Variants in RAB3C observed in about 807,000 individuals in gnomAD.
The protein encoded by RAB3C is RAB3C, member RAS oncogene family.
RAB3C carries 17 observed loss-of-function variants against 26.4 expected under a neutral mutation model. The ratio of observed to expected loss-of-function variants is 0.64; its 90% CI spans 0.44 to 0.97. The LOEUF is 0.97. RAB3C is among the 50% of genes least tolerant of loss of function. The pLI is 0.00. For missense variants in RAB3C, 242 were observed against 281.9 expected, an observed-to-expected ratio of 0.86 and a Z score of 1.01; for synonymous variants, 91 against 95.9, an observed-to-expected ratio of 0.95 and a Z score of 0.30.
At chr5:58,588,560 T>C (rs1040073547) in intron 1 of RAB3C, among the ~76,000 whole-genome samples, 1 of 152,188 alleles carries the variant, frequency 6.6e-6, no homozygotes, top group Non-Finnish European at 1.5e-5. Flanking sequence ...TTGTTTTTAT[T>C]GTTTAGTTGC....
intron 3 of RAB3C, among the ~76,000 whole-genome samples, chr5:58,762,326 G>A (rs1357761192): frequency 2.0e-5 from 3 of 152,062 alleles, no homozygotes; most frequent in South Asian, 2.1e-4. Context: ...GTATCATCTC[G>A]TCAGTGGGAT....
chr5:58,713,135 G>A (rs1241986468), intron 2 of RAB3C, among the ~76,000 whole-genome samples: 1 of 152,148 alleles, frequency 6.6e-6, no homozygotes, highest in Non-Finnish European at 1.5e-5. Flanking sequence ...TTTTTGAACA[G>A]GAGTGAGTGG....
intron 3 of RAB3C, among the ~76,000 whole-genome samples, chr5:58,807,338 T>G (rs1416962454): frequency 6.6e-6 from 1 of 152,174 alleles, no homozygotes; most frequent in Non-Finnish European, 1.5e-5. Context: ...TGTATCAACT[T>G]TAGAAAGATT....
rs1325317390 is a variant in RAB3C at position 58,628,194 on chromosome 5, C to T, written c.252+10324C>T. Among the ~76,000 whole-genome samples the T allele has an allele frequency of 6.1e-5, 9 of 146,826 alleles. No homozygotes were observed. In the South Asian group the frequency reaches 2.0e-3, roughly 32 times the overall value. On this transcript the variant is annotated intron_variant, in intron 2 of 4. Transcript: ENST00000282878. ...AAAAAAAAAACAGTTTACAAAGCATCGTGTGAGAAACAATAGAGAAACAAC... is the reference window on the plus strand; with the variant it reads ...AAAAAAAAAACAGTTTACAAAGCATTGTGTGAGAAACAATAGAGAAACAAC...
At chr5:58,672,341 T>C (rs1259320338) in intron 2 of RAB3C, among the ~76,000 whole-genome samples, 2 of 152,174 alleles carry the variant, frequency 1.3e-5, no homozygotes, top group African/African-American at 2.4e-5. Context: ...CTCTAAGCTC[T>C]TCAGCGGGGT....
chr5:58,667,950 G>T (rs905308271), intron 2 of RAB3C, among the ~76,000 whole-genome samples: 4 of 152,054 alleles, frequency 2.6e-5, no homozygotes, highest in East Asian at 1.9e-4. Flanking sequence ...CCTCCATTGG[G>T]CTCAAAAACA....
At chr5:58,825,465 T>G (rs1009661187) in intron 4 of RAB3C, among the ~76,000 whole-genome samples, 1 of 152,224 alleles carries the variant, frequency 6.6e-6, no homozygotes, top group Non-Finnish European at 1.5e-5. Context: ...TTTTGGTTTT[T>G]TTCCCCCATA....
intron 2 of RAB3C, among the ~76,000 whole-genome samples, chr5:58,683,252 A>G (rs535060891): frequency 1.3e-5 from 2 of 152,376 alleles, no homozygotes; most frequent in African/African-American, 4.8e-5. Flanking sequence ...TAAGTTTTAA[A>G]GCTTGAAAAT....
At chr5:58,732,288 A>C (rs530669381) in intron 3 of RAB3C, among the ~76,000 whole-genome samples, 271 of 151,528 alleles carry the variant, frequency 1.8e-3, no homozygotes, top group African/African-American at 6.2e-3. Flanking sequence ...AAGGCCAAAA[A>C]AATTTTTTTA....
In RAB3C at chr5:58,854,054, C is replaced by T. The variant is rs993112965; in HGVS notation, c.*2703C>T. 2 of 151,784 alleles carry T rather than the reference C, an allele frequency of 1.3e-5. No homozygotes were observed. Among genetic ancestry groups the T allele is most frequent in the Non-Finnish European group, 2.9e-5 (2 of 68,022 alleles). 9.4% of individuals were successfully genotyped at this position (151,784 alleles called of 1,614,324 possible). A position where few individuals can be genotyped will look rare whatever the true frequency, so the allele number is the denominator to read the frequency against. ...TTTGGCCAACACACACACACACACA[C>T]ACACACACACACACACACACTATAC... is the stretch of plus-strand genomic sequence containing the variant. On this transcript the variant is annotated 3_prime_UTR_variant, in exon 5 of 5. Transcript: ENST00000282878.
rs543663872 is a variant in RAB3C, at chr5:58,708,238, C to T, written c.253-17764C>T. 4.6e-5 allele frequency among the ~76,000 whole-genome samples: 7 copies of T among 152,302 alleles called. No individual in the cohort carries two copies. In the East Asian group the frequency reaches 9.7e-4, roughly 21 times the overall value. On this transcript the variant is annotated intron_variant, in intron 2 of 4. Transcript: ENST00000282878. ...CTCCTGGGCTCAAGTGATCCTCTAG[C>T]CTCGGGCTCCCAAAGTGCTAGGATT...
At chr5:58,652,422 T>C (rs549811612) in intron 2 of RAB3C, among the ~76,000 whole-genome samples, 72 of 152,090 alleles carry the variant, frequency 4.7e-4, no homozygotes, top group Middle Eastern at 3.4e-3. Flanking sequence ...TCTTAAAACT[T>C]ATTTTTTTTC....
In RAB3C at chr5:58,611,178, C is replaced by T. The variant is rs572514284; in HGVS notation, c.25-6465C>T. 3.6e-4 allele frequency among the ~76,000 whole-genome samples: 55 copies of T among 152,070 alleles called. 1 individual carries two copies. The highest frequency in any genetic ancestry group is 1.2e-3 in the African/African-American group (48 of 41,524). On this transcript the variant is annotated intron_variant, in intron 1 of 4. Transcript: ENST00000282878. The stretch of plus-strand genomic sequence containing the variant: ...CATATCTTTGCTATTGTGAATAGGG[C>T]GATAATGAACATATATGTGCATGTC...
intron 3 of RAB3C, among the ~76,000 whole-genome samples, chr5:58,800,437 G>T (rs1742779365): frequency 6.6e-6 from 1 of 152,124 alleles, no homozygotes; most frequent in Admixed American, 6.6e-5. Context: ...GTGTTTTTAA[G>T]CTATTAATTC....
intron 1 of RAB3C, among the ~76,000 whole-genome samples, chr5:58,602,339 ATGTTCTATATATATCTGTTAAGTCCATT>A (rs560035847): frequency 3.3e-5 from 5 of 152,186 alleles, no homozygotes; most frequent in East Asian, 3.9e-4. Context: ...GTTGGATGAA[ATGTTCTATATATATCTGTTAAGTCCATT>A]TGTTCCAAGG....
chr5:58,595,615 T>C (rs1298969870), intron 1 of RAB3C, among the ~76,000 whole-genome samples: 1 of 152,106 alleles, frequency 6.6e-6, no homozygotes, highest in Non-Finnish European at 1.5e-5. Context: ...TATGAAGTGT[T>C]TGAAAAAATG....
intron 2 of RAB3C, among the ~76,000 whole-genome samples, chr5:58,667,940 C>A (rs536915367): frequency 3.3e-5 from 5 of 152,140 alleles, no homozygotes; most frequent in African/African-American, 9.6e-5. Flanking sequence ...TAATATTCAT[C>A]CTCCATTGGG....
At chr5:58,810,385 CTGTGTGTGTGTGTG>C (rs70973156) in intron 3 of RAB3C, among the ~76,000 whole-genome samples, 1 of 146,912 alleles carries the variant, frequency 6.8e-6, no homozygotes, top group Non-Finnish European at 1.5e-5. Flanking sequence ...CTCTCTCTCT[CTGTGTGTGTGTGTG>C]TGTGTGTGTG....
chr5:58,748,524 G>A (rs185666958), intron 3 of RAB3C, among the ~76,000 whole-genome samples: 1 of 152,114 alleles, frequency 6.6e-6, no homozygotes, highest in Admixed American at 6.5e-5. Flanking sequence ...TTTAATCTGG[G>A]GAAGAATCAT....
Sources: gnomAD v4.1 joint callset for allele counts (sites outside exome capture counted in the v4.1 genomes callset) on GRCh38, gnomAD v4.1.1 for gene constraint, MANE v1.5 for transcripts, NCBI Gene and HGNC (gene_info 2026-07-23, HGNC 2026-07-21) for gene names.